KIF1B: variants seen among roughly 807,000 people sequenced by gnomAD.
KIF1B encodes kinesin family member 1B, also known as kinesin-like protein KIF1B.
Under a neutral mutation model 241.9 loss-of-function variants are expected in KIF1B, and 76 were observed. The ratio of observed to expected loss-of-function variants is 0.31; its 90% CI spans 0.26 to 0.38. KIF1B has a LOEUF of 0.38. Ranked by LOEUF, KIF1B falls within the 10% of genes least tolerant of loss-of-function variation. The pLI, the probability that KIF1B is intolerant of heterozygous loss-of-function variation, is 1.00. For missense variants in KIF1B, 1,622 were observed against 2,271.4 expected, an observed-to-expected ratio of 0.71 and a Z score of 5.81; for synonymous variants, 750 against 796.7, an observed-to-expected ratio of 0.94 and a Z score of 0.99.
intron 36 of KIF1B, 52 bp from the exon 37 acceptor site, chr1:10,348,597 G>C: frequency 7.3e-7 from 1 of 1,363,832 alleles, no homozygotes; most frequent in Non-Finnish European, 1.0e-6. Context: ...CAGTAGACGA[G>C]AGGAGATAAT....
At chr1:10,306,042 CT>C in intron 22 of KIF1B, 1 of 1,047,656 alleles carries the variant, frequency 9.5e-7, no homozygotes, top group Non-Finnish European at 1.2e-6. Flanking sequence ...TTTTTTTTTC[CT>C]TTGCGTGTGG....
At chr1:10,272,216 C>G (rs1228701970) in intron 8 of KIF1B, 25 bp from the exon 9 acceptor site, 25 of 1,322,096 alleles carry the variant, frequency 1.9e-5, no homozygotes, top group Non-Finnish European at 2.6e-5. Context: ...CTTCATCATT[C>G]TTTCATATTT....
At chr1:10,356,600 A>AAAAAAAAAAAG (rs1638256645) in intron 38 of KIF1B, among the ~76,000 whole-genome samples, 2 of 143,578 alleles carry the variant, frequency 1.4e-5, no homozygotes, top group African/African-American at 2.6e-5. Flanking sequence ...CAGATGCTTT[A>AAAAAAAAAAAG]AAAAAAGAAA....
At chr1:10,297,144 T>C in intron 21 of KIF1B, 30 bp from the exon 22 acceptor site, 1 of 1,603,128 alleles carries the variant, frequency 6.2e-7, no homozygotes, top group Non-Finnish European at 8.5e-7. Flanking sequence ...AATAGCATTC[T>C]TGAATTTTTT....
chr1:10,293,967 A>G (rs1407158437), intron 17 of KIF1B, among the ~76,000 whole-genome samples: 2 of 152,204 alleles, frequency 1.3e-5, no homozygotes, highest in Admixed American at 6.5e-5. Context: ...AAAGAATGCT[A>G]CTCACAAAGG....
At chr1:10,223,430 A>G (rs1326376871) in intron 1 of KIF1B, among the ~76,000 whole-genome samples, 1 of 152,184 alleles carries the variant, frequency 6.6e-6, no homozygotes, top group Non-Finnish European at 1.5e-5. Context: ...ATAGTAGTAG[A>G]GAAGTGACAG....
intron 2 of KIF1B, among the ~76,000 whole-genome samples, chr1:10,253,217 T>C (rs1647567121): frequency 6.6e-6 from 1 of 152,174 alleles, no homozygotes; most frequent in Non-Finnish European, 1.5e-5. Flanking sequence ...CCCTCCAAAA[T>C]TGCATCCTGA....
chr1:10,366,141 G>C (rs892939557), intron 43 of KIF1B, among the ~76,000 whole-genome samples: 3 of 152,156 alleles, frequency 2.0e-5, no homozygotes, highest in African/African-American at 7.2e-5. Context: ...TGAGGCAGGA[G>C]AATTGCTTGA....
chr1:10,308,438 A>G (rs943694495), intron 22 of KIF1B: 8 of 1,042,834 alleles, frequency 7.7e-6, no homozygotes, highest in Non-Finnish European at 9.2e-6. Flanking sequence ...TCTTCTTGTT[A>G]ATAAACTGTG....
chr1:10,291,233 A>G (rs1326516005), intron 16 of KIF1B, 72 bp downstream of exon 16: 2 of 1,070,324 alleles, frequency 1.9e-6, no homozygotes, highest in African/African-American at 1.6e-5. Context: ...GTAAGAAAAG[A>G]TAAAATATAA....
intron 28 of KIF1B, among the ~76,000 whole-genome samples, chr1:10,336,064 T>C (rs1652161287): frequency 6.6e-6 from 1 of 152,224 alleles, no homozygotes; most frequent in African/African-American, 2.4e-5. Context: ...TTTCAAATAC[T>C]TGTTGGGTAT....
rs758454220 is a variant in KIF1B, at chr1:10,374,335, C to T, written c.4966C>T (p.Arg1656Trp). 3.0e-5 allele frequency: 49 copies of T among 1,614,030 alleles called. No individual in the cohort carries two copies. The highest frequency in any genetic ancestry group is 4.5e-5 in the East Asian group (2 of 44,884). Residue 1656 changes from arginine (R) to tryptophan (W), a missense_variant, in exon 46 of 49, where the codon CGG becomes TGG. Coordinates refer to ENST00000676179, the MANE Select transcript of KIF1B (RefSeq NM_001365951.3). This position sits in a 1 kb window ranked among gnomAD's most constrained non-coding sequence, Gnocchi z 4.3. ...LDQKTPEANS[R>W]ASSPCPEFEQ... ...TTAAAGGACCCCAGAAGCCAATTCC[C>T]GGGCCTCTAGTCCCTGCCCAGAATT...
Position 10,374,949 on chromosome 1 carries a change from T to C in KIF1B, c.5192T>C (p.Phe1731Ser), listed in dbSNP as rs1282641323. The C allele has an allele frequency of 1.9e-6, 3 of 1,614,180 alleles. No individual in the cohort carries two copies. The highest frequency in any genetic ancestry group is 2.5e-6 in the Non-Finnish European group (3 of 1,180,022). ...HFVVVRRPYV[F>S]IYNSDKDPVE... Reference sequence around the variant, plus strand: ...GTTGTCGTCCGTCGGCCTTATGTCTTCATCTATAACAGTGACAAAGACCCT... The same window carrying C: ...GTTGTCGTCCGTCGGCCTTATGTCTCCATCTATAACAGTGACAAAGACCCT... Residue 1731 changes from phenylalanine to serine, a missense_variant, in exon 47 of 49, where the codon TTC becomes TCC. Around this residue, in one of 7 missense-constraint regions of KIF1B, gnomAD observed 357 missense variants for 409.0 expected, o/e 0.87. Transcript: ENST00000676179. This position sits in a 1 kb window ranked among gnomAD's most constrained non-coding sequence, Gnocchi z 4.3.
chr1:10,221,412 A>G (rs1022956198), intron 1 of KIF1B, among the ~76,000 whole-genome samples: 1 of 152,048 alleles, frequency 6.6e-6, no homozygotes, highest in Non-Finnish European at 1.5e-5. Context: ...TTTCTAATAT[A>G]TGATTCATTT....
chr1:10,319,513 A>T (rs917811047), intron 22 of KIF1B, among the ~76,000 whole-genome samples: 3 of 152,226 alleles, frequency 2.0e-5, no homozygotes, highest in Non-Finnish European at 2.9e-5. Context: ...GGTTACCTGA[A>T]GGCTAAACTC....
intron 27 of KIF1B, among the ~76,000 whole-genome samples, chr1:10,332,542 G>A (rs1651990828): frequency 1.0e-5 from 1 of 98,346 alleles, no homozygotes; most frequent in Non-Finnish European, 1.8e-5. Flanking sequence ...TTGAGACGGA[G>A]TCTCACTCTG....
At chr1:10,272,603 T>C (rs1648862544) in intron 9 of KIF1B, 1 of 508,312 alleles carries the variant, frequency 2.0e-6, no homozygotes, top group Non-Finnish European at 3.5e-6. Context: ...AAACCAAGTA[T>C]ATTTATTGTC....
At chr1:10,358,091 C>G (rs1174454949) in intron 38 of KIF1B, among the ~76,000 whole-genome samples, 3 of 104,066 alleles carry the variant, frequency 2.9e-5, no homozygotes, top group South Asian at 5.6e-4. Context: ...CTTGCTGCAG[C>G]AAGTCCAAAG....
intron 27 of KIF1B, among the ~76,000 whole-genome samples, chr1:10,328,784 T>C (rs774618120): frequency 1.3e-5 from 2 of 152,256 alleles, no homozygotes; most frequent in Admixed American, 1.3e-4. Flanking sequence ...CCTTGGGTCC[T>C]AGGCCATCTC....
Sources: allele counts gnomAD v4.1 joint callset (sites outside exome capture counted in the v4.1 genomes callset), GRCh38; gene constraint gnomAD v4.1.1; regional missense constraint gnomAD v4.1.1; non-coding constraint Gnocchi (gnomAD v3.1); transcripts MANE v1.5; gene names NCBI Gene and HGNC (gene_info 2026-07-23, HGNC 2026-07-21).